The following AKAP17A variants were observed in gnomAD, a reference collection of about 807,000 sequenced individuals.
The protein encoded by AKAP17A is A-kinase anchoring protein 17A.
AKAP17A carries 15 observed loss-of-function variants against 52.2 expected under a neutral mutation model. The ratio of observed to expected loss-of-function variants is 0.29; its 90% CI spans 0.19 to 0.44. AKAP17A has a LOEUF of 0.44. Among genes scored for constraint, AKAP17A ranks in the 20% least tolerant of loss-of-function variants. AKAP17A has a pLI of 1.00. For missense variants in AKAP17A, 1,060 were observed against 1,007.0 expected (o/e 1.05, Z -0.71); for synonymous variants, 514 against 424.7 (o/e 1.21, Z -2.58).
intron 2 of AKAP17A, among the ~76,000 whole-genome samples, chrX:1,594,595 C>CTTTTTTATT (rs1300325014): frequency 6.6e-6 from 1 of 151,816 alleles, no homozygotes; most frequent in Non-Finnish European, 1.5e-5. Context: ...GCCTCATGTG[C>CTTTTTTATT]TTTTTTATTT....
Position 1,601,480 on chromosome X carries a change from G to A in AKAP17A, c.1974G>A (p.Glu658=), listed in dbSNP as rs1361875779. The part of the protein sequence containing the change: ...RSHSKDRHRR[E]RSRERRGSAS... ...ACAGCAAAGACAGGCACCGGAGGGA[G>A]CGGAGCCGGGAGCGGAGGGGCAGCG... Residue 658 remains glutamate (E), a synonymous_variant, in exon 5 of 5, where the codon GAG becomes GAA. Coordinates refer to ENST00000313871, the MANE Select transcript of AKAP17A (RefSeq NM_005088.3). 6 of 1,563,724 alleles carry A rather than the reference G, an allele frequency of 3.8e-6. No individual in the cohort carries two copies. In the Admixed American group the frequency reaches 7.4e-5, roughly 19 times the overall value.
intron 4 of AKAP17A, chrX:1,599,987 A>G (rs1933266702): frequency 6.4e-6 from 3 of 467,894 alleles, no homozygotes; most frequent in Admixed American, 5.6e-5. Context: ...TGCAGGCGCG[A>G]CTGGTAACTC....
At position 1,601,485 on chromosome X, in the gene AKAP17A, G is replaced by A; in HGVS notation, c.1979G>A (p.Ser660Asn). Residue 660 changes from serine (S) to asparagine (N), a missense_variant, in exon 5 of 5, where the codon AGC becomes AAC. Ser to Asn is a conservative substitution (Grantham distance 46). Coordinates refer to ENST00000313871, the MANE Select transcript of AKAP17A (RefSeq NM_005088.3). Reference sequence around the variant, plus strand: ...AAAGACAGGCACCGGAGGGAGCGGAGCCGGGAGCGGAGGGGCAGCGCCAGC... The same window carrying A: ...AAAGACAGGCACCGGAGGGAGCGGAACCGGGAGCGGAGGGGCAGCGCCAGC... Reference protein sequence around the residue: ...HSKDRHRRERSRERRGSASRK... With the variant: ...HSKDRHRRERNRERRGSASRK... The A allele has an allele frequency of 6.4e-7, 1 of 1,559,626 alleles. No individual in the cohort carries two copies.
At chrX:1,594,997 T>A (rs1318209785) in intron 2 of AKAP17A, among the ~76,000 whole-genome samples, 1 of 152,158 alleles carries the variant, frequency 6.6e-6, no homozygotes, top group African/African-American at 2.4e-5. Context: ...CCTTAAGATG[T>A]GCCCTGTGGG....
At position 1,593,972 on chromosome X, in the gene AKAP17A, C is replaced by G; in HGVS notation, c.510C>G (p.Ser170Arg). ...AGGAGTCGGGCTCCGAGAAGCCCAG[C>G]GAGGACGTCCTGGTCAAGGTGTTTG... ...ALKESGSEKP[S>R]EDVLVKVFEK... is the part of the protein sequence containing the mutation. Residue 170 changes from serine (S) to arginine (R), a missense_variant, in exon 2 of 5, where the codon AGC becomes AGG. This residue lies in a region of AKAP17A where 267 missense variants were observed against 377.1 expected (regional missense o/e 0.71). Transcript: ENST00000313871. 6.2e-7 allele frequency: 1 copy of G among 1,601,228 alleles called. No homozygotes were observed. The highest frequency in any genetic ancestry group is 8.5e-7 in the Non-Finnish European group (1 of 1,172,376).
intron 2 of AKAP17A, among the ~76,000 whole-genome samples, chrX:1,594,784 A>G (rs1270986908): frequency 6.6e-6 from 1 of 151,672 alleles, no homozygotes; most frequent in Non-Finnish European, 1.5e-5. Context: ...ACACCTGGCT[A>G]ATTTTTGTAT....
intron 3 of AKAP17A, among the ~76,000 whole-genome samples, chrX:1,597,357 C>T (rs1409347297): frequency 6.6e-6 from 1 of 152,154 alleles, no homozygotes; most frequent in Non-Finnish European, 1.5e-5. Context: ...CCCATGTCAG[C>T]CGTCAGGATT....
rs746994032 is a variant in AKAP17A at position 1,601,237 on chromosome X, C to G, written c.1731C>G (p.Asp577Glu). 5.6e-6 allele frequency: 9 copies of G among 1,613,694 alleles called. No individual in the cohort carries two copies. Among genetic ancestry groups the G allele is most frequent in the East Asian group, 2.2e-5 (1 of 44,882 alleles). ...GAAAGGACACCCGGTCAGAACAGGACAAGTGCAACCGGGAGCCCAGCAAGG... is the reference window on the plus strand; with the variant it reads ...GAAAGGACACCCGGTCAGAACAGGAGAAGTGCAACCGGGAGCCCAGCAAGG... ...VSRKDTRSEQDKCNREPSKGR... is the reference protein window; with the variant it reads ...VSRKDTRSEQEKCNREPSKGR... Residue 577 changes from aspartate to glutamate, a missense_variant, in exon 5 of 5, where the codon GAC becomes GAG. Transcript: ENST00000313871.
Position 1,594,297 on chromosome X carries a change from C to G in AKAP17A, c.762+73C>G. On this transcript the variant is annotated intron_variant, in intron 2 of 4. Transcript: ENST00000313871. ...CTTCCTTCCAGCAGGGTCAGCAGAACGCTCCCAGCCACACCCCTGAGGCTG... is the reference window on the plus strand; with the variant it reads ...CTTCCTTCCAGCAGGGTCAGCAGAAGGCTCCCAGCCACACCCCTGAGGCTG... 4.8e-6 allele frequency: 7 copies of G among 1,473,286 alleles called. No individual in the cohort carries two copies. The South Asian group carries it at 9.8e-5, about 21-fold the overall frequency. 91.3% of individuals were successfully genotyped at this position (1,473,286 alleles called of 1,614,324 possible).
Position 1,594,080 on chromosome X carries a change from C to T in AKAP17A, c.618C>T (p.Thr206=), listed in dbSNP as rs757431711. The T allele has an allele frequency of 6.2e-7, 1 of 1,613,516 alleles. No individual in the cohort carries two copies. Among genetic ancestry groups the T allele is most frequent in the African/African-American group, 1.3e-5 (1 of 74,932 alleles). The change falls in exon 2 of 5, where the codon ACC becomes ACT. Residue 206 remains threonine (T), a synonymous_variant. Transcript: ENST00000313871. ...AGATGACGGGCCGCAACTTCCACAC[C>T]TTCAGTTTCGGGGGGCACTTGAACT... is the stretch of plus-strand genomic sequence containing the variant. The part of the protein sequence containing the change: ...REEMTGRNFH[T]FSFGGHLNFE...
chrX:1,598,910 G>T (rs1396671223), intron 3 of AKAP17A, among the ~76,000 whole-genome samples: 2 of 152,168 alleles, frequency 1.3e-5, no homozygotes, highest in Non-Finnish European at 2.9e-5. Context: ...TGGGGGCGTG[G>T]CTTTTGATGT....
chrX:1,597,676 C>G (rs188171726), intron 3 of AKAP17A, among the ~76,000 whole-genome samples: 4 of 137,620 alleles, frequency 2.9e-5, no homozygotes, highest in Non-Finnish European at 4.8e-5. Flanking sequence ...GGAGTGTCCC[C>G]GCAACATTTC....
At chrX:1,594,868 C>T (rs1242231973) in intron 2 of AKAP17A, among the ~76,000 whole-genome samples, 5 of 152,166 alleles carry the variant, frequency 3.3e-5, no homozygotes, top group East Asian at 1.9e-4. Flanking sequence ...CTGCCTGCCT[C>T]GCCCTCCCAA....
intron 3 of AKAP17A, among the ~76,000 whole-genome samples, chrX:1,597,788 C>T (rs779717292): frequency 6.6e-6 from 1 of 152,112 alleles, no homozygotes; most frequent in African/African-American, 2.4e-5. Context: ...AGGGAAGGGA[C>T]CCCGTCTGCC....
intron 3 of AKAP17A, among the ~76,000 whole-genome samples, chrX:1,598,683 G>C (rs1416695452): frequency 1.3e-5 from 2 of 152,158 alleles, no homozygotes; most frequent in Admixed American, 1.3e-4. Context: ...AAGGAGCTGA[G>C]TGGCGTGGCT....
intron 3 of AKAP17A, 135 bp from the exon 4 acceptor site, chrX:1,599,057 C>G: frequency 7.2e-7 from 1 of 1,395,678 alleles, no homozygotes; most frequent in South Asian, 1.4e-5. Context: ...AACCGAGGTC[C>G]ACCTTGGGAT....
At position 1,593,909 on chromosome X, in the gene AKAP17A, C is replaced by A. The variant is rs1260636951; in HGVS notation, c.447C>A (p.Ile149=). 6.2e-7 allele frequency: 1 copy of A among 1,611,874 alleles called. No individual in the cohort carries two copies. Among genetic ancestry groups the A allele is most frequent in the African/African-American group, 1.3e-5 (1 of 75,026 alleles). ...TGCCGGGGGAGCGGCCGGACACCAT[C>A]CACCTGGAGGGGCTGCCCTGCAAGT... The part of the protein sequence containing the change: ...ETLPGERPDT[I]HLEGLPCKWF... The change falls in exon 2 of 5, where the codon ATC becomes ATA. Residue 149 remains isoleucine (I), a synonymous_variant. Coordinates refer to ENST00000313871, the MANE Select transcript of AKAP17A (RefSeq NM_005088.3).
In AKAP17A at chrX:1,595,634, G is replaced by T. The variant is rs1569349960; in HGVS notation, c.911+102G>T. On this transcript the variant is annotated intron_variant, in intron 3 of 4. Transcript: ENST00000313871. ...TGCATGTATTCCTGTGCGTGTGTGT[G>T]TGCATGCATGCTTGTGAGCTTGTGT... 7 of 1,525,866 alleles carry T rather than the reference G, an allele frequency of 4.6e-6. No individual in the cohort carries two copies. The South Asian group carries it at 4.7e-5, about 10-fold the overall frequency. The allele number at this position is 1,525,866 out of a possible 1,614,324, so 94.5% of individuals were successfully genotyped here.
chrX:1,599,032 G>A lies in AKAP17A; in HGVS notation c.912-160G>A, dbSNP rs765011513. On this transcript the variant is annotated intron_variant, in intron 3 of 4. Transcript: ENST00000313871. ...GCCCGGCTCACTCCTTCCACCTCTC[G>A]GGCTGCTTTGAGTCAACCGAGGTCC... is the stretch of plus-strand genomic sequence containing the variant. Among the ~76,000 whole-genome samples the A allele has an allele frequency of 8.5e-5, 13 of 152,278 alleles. No individual in the cohort carries two copies. In the South Asian group the frequency reaches 1.2e-3, roughly 15 times the overall value.
Sources: gnomAD v4.1 joint callset for allele counts (sites outside exome capture counted in the v4.1 genomes callset) on GRCh38, gnomAD v4.1.1 for gene constraint, gnomAD v4.1.1 regional missense constraint, MANE v1.5 for transcripts, NCBI Gene and HGNC (gene_info 2026-07-23, HGNC 2026-07-21) for gene names.